Variants in GPR137 observed in about 807,000 individuals in gnomAD.
The protein encoded by GPR137 is integral membrane protein GPR137.
Under a neutral mutation model 38.9 loss-of-function variants are expected in GPR137, and 20 were observed. The ratio of observed to expected loss-of-function variants is 0.51; its 90% CI spans 0.36 to 0.75. The LOEUF is 0.75. Among genes scored for constraint, GPR137 ranks in the 30% least tolerant of loss-of-function variants. The pLI is 0.00. For missense variants in GPR137, 456 were observed against 526.4 expected, an observed-to-expected ratio of 0.87 and a Z score of 1.31; for synonymous variants, 226 against 235.8, an observed-to-expected ratio of 0.96 and a Z score of 0.38.
At position 64,287,053 on chromosome 11, in the gene GPR137, C is replaced by T. The variant is rs182097219; in HGVS notation, c.407+39C>T. The T allele has an allele frequency of 5.6e-4, 902 of 1,603,498 alleles. 21 individuals carry two copies. The Admixed American group carries it at 0.015, about 27-fold the overall frequency. ...ACACTGGTGGGCTCAGCCTCCAGGTCAGGGGCAGGTGACAGTCCCATGTAG... is the reference window on the plus strand; with the variant it reads ...ACACTGGTGGGCTCAGCCTCCAGGTTAGGGGCAGGTGACAGTCCCATGTAG... On this transcript the variant is annotated intron_variant, in intron 2 of 6. Coordinates refer to ENST00000438980, the MANE Select transcript of GPR137 (RefSeq NM_001170880.2).
upstream of GPR137, among the ~76,000 whole-genome samples, chr11:64,279,506 C>T (rs1311706021): frequency 6.6e-6 from 1 of 152,238 alleles, no homozygotes; most frequent in African/African-American, 2.4e-5. Flanking sequence ...GTGGCTCATG[C>T]CTGTAATCCC....
chr11:64,286,752 C>T lies in GPR137; in HGVS notation c.228C>T (p.Leu76=). The change falls in exon 1 of 7, where the codon CTC becomes CTT. Residue 76 remains leucine (L), a synonymous_variant. Transcript: ENST00000438980. The part of the protein sequence containing the change: ...CLLWAALRTT[L]FSFYFRDTPR... ...TCTGGGCCGCCTTGCGTACCACCCTCTTCTCCTTCTACTTCCGAGATACTC... is the reference window on the plus strand; with the variant it reads ...TCTGGGCCGCCTTGCGTACCACCCTTTTCTCCTTCTACTTCCGAGATACTC... The T allele has an allele frequency of 6.2e-7, 1 of 1,612,814 alleles. No individual in the cohort carries two copies. The highest frequency in any genetic ancestry group is 8.5e-7 in the Non-Finnish European group (1 of 1,179,166).
chr11:64,287,639 T>C (rs566503065), intron 2 of GPR137, 82 bp from the exon 3 acceptor site: 18 of 1,582,272 alleles, frequency 1.1e-5, no homozygotes, highest in Non-Finnish European at 1.2e-5. Context: ...TTTGTCGACA[T>C]TGGGGTTTCC....
chr11:64,288,748 C>A lies in GPR137; in HGVS notation c.1031+27C>A, dbSNP rs1195735635. On this transcript the variant is annotated intron_variant, in intron 6 of 6. Transcript: ENST00000438980. This position sits in a 1 kb window ranked among gnomAD's most constrained non-coding sequence, Gnocchi z 5.5. ...TAGGAGCCGTGGCACTGCCTCAGTA[C>A]CCCTGCCCTACCCGCCCACCCCGCT... 1 of 1,509,048 alleles carries A rather than the reference C, an allele frequency of 6.6e-7. No individual in the cohort carries two copies. Among genetic ancestry groups the A allele is most frequent in the Non-Finnish European group, 8.9e-7 (1 of 1,126,390 alleles). The allele number at this position is 1,509,048 out of a possible 1,614,324, so 93.5% of individuals were successfully genotyped here.
chr11:64,287,525 C>A (rs1053257759), intron 2 of GPR137, 196 bp from the exon 3 acceptor site: 4 of 714,090 alleles, frequency 5.6e-6, no homozygotes, highest in African/African-American at 1.9e-5. Flanking sequence ...AGTTGGTGCA[C>A]CTTCCGAAGT....
At chr11:64,285,017 C>A, upstream of GPR137, 4 of 1,214,776 alleles carry the variant, frequency 3.3e-6, no homozygotes, top group Non-Finnish European at 4.2e-6. Flanking sequence ...GGGATAGTGA[C>A]AGCTCCCCCG....
At chr11:64,284,266 C>T (rs372175324), upstream of GPR137, 30 of 1,611,248 alleles carry the variant, frequency 1.9e-5, no homozygotes, top group Non-Finnish European at 2.5e-5. Flanking sequence ...TGATGCTTGC[C>T]GGAGCCTGAG....
At chr11:64,279,514 C>G (rs2135127584), upstream of GPR137, among the ~76,000 whole-genome samples, 1 of 152,326 alleles carries the variant, frequency 6.6e-6, no homozygotes, top group South Asian at 2.1e-4. Flanking sequence ...TGCCTGTAAT[C>G]CCAGCATTTT....
upstream of GPR137, among the ~76,000 whole-genome samples, chr11:64,283,610 G>C (rs973714970): frequency 6.6e-6 from 1 of 152,196 alleles, no homozygotes; most frequent in Admixed American, 6.5e-5. Flanking sequence ...AACACATCTG[G>C]GAGCTGGAAG....
chr11:64,277,758 C>A (rs1353360427), intron 2 of GPR137, among the ~76,000 whole-genome samples: 1 of 152,082 alleles, frequency 6.6e-6, no homozygotes, highest in Non-Finnish European at 1.5e-5. Context: ...ACTTTCTTTT[C>A]CCTTTTCCTA....
chr11:64,280,579 C>G (rs1305632907), upstream of GPR137, among the ~76,000 whole-genome samples: 1 of 150,702 alleles, frequency 6.6e-6, no homozygotes, highest in East Asian at 2.0e-4. Context: ...TCTTGATCTC[C>G]TGACCTCGTG....
upstream of GPR137, chr11:64,284,871 C>T: frequency 1.4e-6 from 2 of 1,480,790 alleles, no homozygotes; most frequent in Non-Finnish European, 1.8e-6. Context: ...GGGCTCACAT[C>T]CTCGCTGCCT....
At chr11:64,270,593 G>C in exon 1 of GPR137, 3 of 689,428 alleles carry the variant, frequency 4.4e-6, no homozygotes, top group South Asian at 3.0e-5. Flanking sequence ...AAATGGAAAG[G>C]CCAGAGCTGG....
At position 64,287,989 on chromosome 11, in the gene GPR137, C is replaced by A. The variant is rs779562898; in HGVS notation, c.633+43C>A. 117 of 1,601,730 alleles carry A rather than the reference C, an allele frequency of 7.3e-5. 1 individual carries two copies. In the Middle Eastern group the frequency reaches 9.9e-4, roughly 14 times the overall value. On this transcript the variant is annotated intron_variant, in intron 3 of 6. Transcript: ENST00000438980. ...ATGCCCAGGTGTCTTTTGGGTCTCT[C>A]GGCAGCGGTTCTCAGGGTGTAGAGG... is the stretch of plus-strand genomic sequence containing the variant.
Position 64,286,507 on chromosome 11 carries a change from C to T in GPR137, c.-18C>T. 6.3e-7 allele frequency: 1 copy of T among 1,595,200 alleles called. No homozygotes were observed. The highest frequency in any genetic ancestry group is 1.3e-5 in the African/African-American group (1 of 74,628). ...TCCCTCCTTGTCTGTCTCCGGGATT[C>T]AGGCCTCCCTCCCTGACATGGAGAG... On this transcript the variant is annotated 5_prime_UTR_variant, in exon 1 of 7. Transcript: ENST00000438980.
upstream of GPR137, among the ~76,000 whole-genome samples, chr11:64,270,957 G>A (rs555087181): frequency 1.2e-5 from 1 of 83,814 alleles, no homozygotes; most frequent in Non-Finnish European, 2.5e-5. Context: ...CTAGACTACA[G>A]ATCCCAGCAT....
chr11:64,284,395 A>C, upstream of GPR137: 4 of 1,611,848 alleles, frequency 2.5e-6, no homozygotes, highest in Non-Finnish European at 3.4e-6. Context: ...ACAAGATGTT[A>C]CGTAGTCAAG....
chr11:64,284,699 C>T, upstream of GPR137: 3 of 1,535,124 alleles, frequency 2.0e-6, no homozygotes, highest in Non-Finnish European at 2.6e-6. Context: ...GCTCCGGGCC[C>T]TAGTTGCTTG....
chr11:64,279,551 G>C (rs528525639), upstream of GPR137, among the ~76,000 whole-genome samples: 6 of 152,108 alleles, frequency 3.9e-5, no homozygotes, highest in East Asian at 9.7e-4. Flanking sequence ...TGGATCACGA[G>C]GTCAGGAATT....
Sources: gnomAD v4.1 joint callset for allele counts (sites outside exome capture counted in the v4.1 genomes callset) on GRCh38, gnomAD v4.1.1 for gene constraint, Gnocchi (gnomAD v3.1) non-coding constraint, MANE v1.5 for transcripts, NCBI Gene and HGNC (gene_info 2026-07-23, HGNC 2026-07-21) for gene names.